WFDC11: variants seen among roughly 807,000 people sequenced by gnomAD.
WFDC11 encodes the protein protein WFDC11.
In WFDC11, 9 loss-of-function variants were observed where a neutral mutation model predicts 9.9. The ratio of observed to expected loss-of-function variants is 0.91; its 90% CI spans 0.55 to 1.58. The LOEUF (loss-of-function observed/expected upper bound fraction) is 1.58. WFDC11 is among the 40% of genes most tolerant of loss of function. The pLI is 0.00. For synonymous variants in WFDC11, 32 were observed against 33.3 expected (o/e 0.96, Z 0.13); for missense variants, 106 against 101.7 (o/e 1.04, Z -0.18).
chr20:45,649,256 C>T lies in WFDC11; in HGVS notation c.243+1G>A, dbSNP rs570217436. 24 of 1,613,922 alleles carry T rather than the reference C, an allele frequency of 1.5e-5. 1 individual carries two copies. Among genetic ancestry groups the T allele is most frequent in the African/African-American group, 8.0e-5 (6 of 75,010 alleles). ...ACCCAAGCAAACATCTCCCAACTCA[C>T]GACGTTTATCCAGCAGATGTTTCCA... On this transcript the variant is annotated splice_donor_variant, in intron 4 of 4. Coordinates refer to ENST00000324384, the MANE Select transcript of WFDC11 (RefSeq NM_147197.2). LOFTEE classifies it high-confidence loss of function.
chr20:45,658,336 T>C (rs1982979644), intron 2 of WFDC11, among the ~76,000 whole-genome samples: 2 of 152,308 alleles, frequency 1.3e-5, no homozygotes, highest in Non-Finnish European at 2.9e-5. Context: ...CCATCTTGTA[T>C]AACTGAAATT....
chr20:45,659,733 C>T (rs962583880), intron 2 of WFDC11, among the ~76,000 whole-genome samples: 3 of 152,174 alleles, frequency 2.0e-5, no homozygotes, highest in African/African-American at 7.2e-5. Flanking sequence ...TCCCATTTGT[C>T]AATTTTGGCT....
rs183799135 is a variant in WFDC11 at position 45,656,560 on chromosome 20, G to A, written c.-51-5909C>T. ...TCATGACTAAAACACCAAAAGCAATGGCAACAAAAGCCAAAATAGACAAGT... is the reference window on the plus strand; with the variant it reads ...TCATGACTAAAACACCAAAAGCAATAGCAACAAAAGCCAAAATAGACAAGT... On this transcript the variant is annotated intron_variant, in intron 2 of 4. Transcript: ENST00000324384. Among the ~76,000 whole-genome samples, 839 of 152,198 alleles carry A rather than the reference G, an allele frequency of 5.5e-3. 6 individuals are homozygous for A. Among genetic ancestry groups the A allele is most frequent in the African/African-American group, 0.019 (805 of 41,516 alleles).
intron 2 of WFDC11, among the ~76,000 whole-genome samples, chr20:45,655,763 A>C (rs564851973): frequency 8.1e-4 from 123 of 152,336 alleles, no homozygotes; most frequent in African/African-American, 2.5e-3. Context: ...GTATTCAAAA[A>C]TCACAAGCAT....
chr20:45,665,904 T>C (rs1983178628), intron 2 of WFDC11, among the ~76,000 whole-genome samples: 1 of 152,212 alleles, frequency 6.6e-6, no homozygotes, highest in African/African-American at 2.4e-5. Flanking sequence ...AGGTAGTCTG[T>C]CTGTTCTCAG....
At chr20:45,652,054 A>T (rs1200516226) in intron 2 of WFDC11, among the ~76,000 whole-genome samples, 1 of 152,208 alleles carries the variant, frequency 6.6e-6, no homozygotes, top group Non-Finnish European at 1.5e-5. Flanking sequence ...TACAGACTTA[A>T]ATGTCCCTGT....
intron 2 of WFDC11, among the ~76,000 whole-genome samples, chr20:45,654,099 A>G (rs1369293833): frequency 6.6e-6 from 1 of 152,020 alleles, no homozygotes; most frequent in African/African-American, 2.4e-5. Flanking sequence ...CATCTACAGA[A>G]CTCTCCACCC....
chr20:45,653,089 T>A (rs1982847017), intron 2 of WFDC11, among the ~76,000 whole-genome samples: 1 of 151,996 alleles, frequency 6.6e-6, no homozygotes, highest in African/African-American at 2.4e-5. Flanking sequence ...GCCACAAAGA[T>A]ACTCCTCGAG....
At chr20:45,661,084 T>C (rs1173340956) in intron 2 of WFDC11, among the ~76,000 whole-genome samples, 2 of 152,162 alleles carry the variant, frequency 1.3e-5, no homozygotes, top group Admixed American at 6.5e-5. Flanking sequence ...ACCTATTGTT[T>C]CCTGACTTTT....
At chr20:45,655,302 C>T (rs1230367027) in intron 2 of WFDC11, among the ~76,000 whole-genome samples, 1 of 152,150 alleles carries the variant, frequency 6.6e-6, no homozygotes. Flanking sequence ...AAACATAATC[C>T]AGCATATAAA....
At chr20:45,649,985 G>C (rs4810462) in intron 3 of WFDC11, among the ~76,000 whole-genome samples, 88,951 of 151,826 alleles carry the variant, frequency 0.59, 27,110 homozygotes, top group East Asian at 0.98. Context: ...CACTAAGAAG[G>C]GATCTCAAGC....
chr20:45,669,964 C>A (rs1393064854), intron 1 of WFDC11, among the ~76,000 whole-genome samples: 1 of 151,846 alleles, frequency 6.6e-6, no homozygotes, highest in Non-Finnish European at 1.5e-5. Flanking sequence ...TAAACACAAT[C>A]AAAAATAACA....
chr20:45,661,067 C>T (rs944033247), intron 2 of WFDC11, among the ~76,000 whole-genome samples: 1 of 152,206 alleles, frequency 6.6e-6, no homozygotes, highest in Non-Finnish European at 1.5e-5. Context: ...TCCACATCCT[C>T]TCCAGCACCT....
intron 2 of WFDC11, among the ~76,000 whole-genome samples, chr20:45,655,687 T>C (rs1262464241): frequency 2.0e-5 from 3 of 152,220 alleles, no homozygotes; most frequent in South Asian, 2.1e-4. Context: ...GAAAACCCTA[T>C]TGTCTCAGCC....
chr20:45,669,535 C>T (rs1454201431), intron 1 of WFDC11, among the ~76,000 whole-genome samples: 1 of 152,166 alleles, frequency 6.6e-6, no homozygotes, highest in Non-Finnish European at 1.5e-5. Flanking sequence ...CACACACTTA[C>T]ATGTGCTTGT....
chr20:45,666,494 A>C (rs1289044844), intron 2 of WFDC11, among the ~76,000 whole-genome samples: 1 of 152,112 alleles, frequency 6.6e-6, no homozygotes, highest in Non-Finnish European at 1.5e-5. Context: ...GAAATCACCC[A>C]ATCTTCTGCA....
intron 2 of WFDC11, among the ~76,000 whole-genome samples, chr20:45,658,060 T>C (rs1036391275): frequency 6.6e-6 from 1 of 152,126 alleles, no homozygotes; most frequent in Admixed American, 6.5e-5. Flanking sequence ...ATAACTGACA[T>C]ATAAAAAACT....
intron 2 of WFDC11, among the ~76,000 whole-genome samples, chr20:45,661,810 G>A (rs1422078172): frequency 2.0e-5 from 3 of 151,654 alleles, no homozygotes; most frequent in Non-Finnish European, 4.4e-5. Flanking sequence ...ATGCTGTTTT[G>A]GTTACTGTAG....
intron 2 of WFDC11, among the ~76,000 whole-genome samples, chr20:45,664,574 G>A (rs557471724): frequency 1.4e-4 from 21 of 152,280 alleles, no homozygotes; most frequent in South Asian, 1.2e-3. Context: ...TTCCTTCTAC[G>A]TTTAGTGCTT....
Sources: allele counts gnomAD v4.1 joint callset (sites outside exome capture counted in the v4.1 genomes callset), GRCh38; gene constraint gnomAD v4.1.1; transcripts MANE v1.5; gene names NCBI Gene and HGNC (gene_info 2026-07-23, HGNC 2026-07-21).